The following PRSS35 variants were observed in gnomAD, a reference collection of about 807,000 sequenced individuals.
The protein encoded by PRSS35 is inactive serine protease 35.
A neutral mutation model predicts 8.1 loss-of-function variants in PRSS35; 7 were observed. The observed-to-expected ratio is 0.86, with a 90% CI of 0.49 to 1.62. The LOEUF (loss-of-function observed/expected upper bound fraction) is 1.62, where lower values mean the gene tolerates loss of function less well. Ranked by LOEUF, PRSS35 falls within the 40% of genes most tolerant of loss-of-function variation. PRSS35 has a pLI of 0.00. For missense variants in PRSS35, 566 were observed against 518.0 expected, an observed-to-expected ratio of 1.09 and a Z score of -0.90; for synonymous variants, 199 against 188.7, an observed-to-expected ratio of 1.05 and a Z score of -0.45.
intron 1 of PRSS35, among the ~76,000 whole-genome samples, chr6:83,516,984 A>C (rs1771735226): frequency 6.6e-6 from 1 of 152,236 alleles, no homozygotes; most frequent in African/African-American, 2.4e-5. Flanking sequence ...GATATTTGGC[A>C]TACCACAATG....
At position 83,516,357 on chromosome 6, in the gene PRSS35, G is replaced by A. The variant is rs574746180; in HGVS notation, c.-21+3663G>A. On this transcript the variant is annotated intron_variant, in intron 1 of 1. Coordinates refer to ENST00000369700, the MANE Select transcript of PRSS35 (RefSeq NM_153362.3). ...TGGGAGGCCGAGATGGGCGGATCAC[G>A]AGGTCAGGAGATCGAGACCATCCTG... Among the ~76,000 whole-genome samples, 11 of 151,642 alleles carry A rather than the reference G, an allele frequency of 7.3e-5. No individual in the cohort carries two copies. In the South Asian group the frequency reaches 1.9e-3, roughly 26 times the overall value.
intron 1 of PRSS35, among the ~76,000 whole-genome samples, chr6:83,512,954 A>AG (rs1432694260): frequency 6.6e-6 from 1 of 152,192 alleles, no homozygotes. Flanking sequence ...GCAGTACCAG[A>AG]GGGGACCCTC....
At chr6:83,522,041 C>T (rs1476399027) in intron 1 of PRSS35, among the ~76,000 whole-genome samples, 1 of 152,110 alleles carries the variant, frequency 6.6e-6, no homozygotes, top group East Asian at 1.9e-4. Flanking sequence ...GTGCACACAT[C>T]CTGTGGGTGT....
At chr6:83,520,307 T>A (rs906253443) in intron 1 of PRSS35, among the ~76,000 whole-genome samples, 1 of 152,182 alleles carries the variant, frequency 6.6e-6, no homozygotes, top group African/African-American at 2.4e-5. Flanking sequence ...CTGTAGTGGT[T>A]CTTAACCTTT....
At chr6:83,518,642 G>A (rs1269624007) in intron 1 of PRSS35, among the ~76,000 whole-genome samples, 1 of 152,154 alleles carries the variant, frequency 6.6e-6, no homozygotes, top group Non-Finnish European at 1.5e-5. Context: ...GAGTGAGTTG[G>A]AAACTATCTT....
At chr6:83,518,514 A>G (rs555088154) in intron 1 of PRSS35, among the ~76,000 whole-genome samples, 7 of 152,326 alleles carry the variant, frequency 4.6e-5, no homozygotes, top group South Asian at 4.1e-4. Context: ...TGAGAAAAAT[A>G]TATTACAGAG....
At chr6:83,519,553 C>G (rs907876356) in intron 1 of PRSS35, among the ~76,000 whole-genome samples, 4 of 152,176 alleles carry the variant, frequency 2.6e-5, no homozygotes, top group Non-Finnish European at 5.9e-5. Flanking sequence ...CTCCACTGAA[C>G]AAACTGTGGA....
In PRSS35 at chr6:83,524,209, T is replaced by C; in HGVS notation, c.768T>C (p.Asn256=). 6.2e-7 allele frequency: 1 copy of C among 1,614,074 alleles called. No individual in the cohort carries two copies. The highest frequency in any genetic ancestry group is 1.1e-5 in the South Asian group (1 of 91,058). Residue 256 remains asparagine (N), a synonymous_variant, in exon 2 of 2, where the codon AAT becomes AAC. Transcript: ENST00000369700. ...CCTTTCAGTGGACCCGGGTCAAGAA[T>C]ACCCACATTCCGAAGGGCTGGGCAC... is the stretch of plus-strand genomic sequence containing the variant. ...RPSFQWTRVK[N]THIPKGWARG... is the part of the protein sequence containing the mutation.
chr6:83,516,558 TGA>T (rs1358986706), intron 1 of PRSS35, among the ~76,000 whole-genome samples: 2 of 134,112 alleles, frequency 1.5e-5, no homozygotes, highest in Non-Finnish European at 3.1e-5. Context: ...CCTGGGCGAC[TGA>T]GAGAGACTGC....
At chr6:83,522,836 A>T (rs559988728) in intron 1 of PRSS35, among the ~76,000 whole-genome samples, 1 of 151,976 alleles carries the variant, frequency 6.6e-6, no homozygotes, top group South Asian at 2.1e-4. Context: ...GCTTTAAAAC[A>T]TTATCCAAGA....
chr6:83,515,497 T>TTTTGTTTG (rs58739802), intron 1 of PRSS35, among the ~76,000 whole-genome samples: 33 of 151,312 alleles, frequency 2.2e-4, no homozygotes, highest in African/African-American at 7.5e-4. Flanking sequence ...TTTCTACTGT[T>TTTTGTTTG]TTTGTTTGTT....
In PRSS35 at chr6:83,523,716, C is replaced by T. The variant is rs1583460394; in HGVS notation, c.275C>T (p.Thr92Ile). ...TATGAGACTGTCTTTGAGAATGGCA[C>T]CCGAACCTTAACCAGGGTGAAAGTT... is the stretch of plus-strand genomic sequence containing the variant. ...LSYETVFENG[T>I]RTLTRVKVQD... The change falls in exon 2 of 2, where the codon ACC becomes ATC. Residue 92 changes from threonine to isoleucine, a missense_variant. Transcript: ENST00000369700. The T allele has an allele frequency of 6.2e-7, 1 of 1,614,192 alleles. No homozygotes were observed. Among genetic ancestry groups the T allele is most frequent in the Non-Finnish European group, 8.5e-7 (1 of 1,180,050 alleles).
chr6:83,512,776 T>G (rs1771643282), intron 1 of PRSS35, 82 bp downstream of exon 1: 1 of 152,240 alleles, frequency 6.6e-6, no homozygotes, highest in Non-Finnish European at 1.5e-5. Context: ...CGAGGAGAGC[T>G]TCTTTGAAGG....
At position 83,512,600 on chromosome 6, in the gene PRSS35, G is replaced by A. The variant is rs1306656102; in HGVS notation, c.-115G>A. 3 of 152,318 alleles carry A rather than the reference G, an allele frequency of 2.0e-5. No individual in the cohort carries two copies. The highest frequency in any genetic ancestry group is 7.2e-5 in the African/African-American group (3 of 41,418). 9.4% of individuals were successfully genotyped at this position (152,318 alleles called of 1,614,324 possible). A position where few individuals can be genotyped will look rare whatever the true frequency, so the allele number is the denominator to read the frequency against. The stretch of plus-strand genomic sequence containing the variant: ...GGCGGGGCGGCCTCCGGCTCAGGCT[G>A]GCTGAGAGGCTCCCAGCTGCAGCGT... On this transcript the variant is annotated 5_prime_UTR_variant, in exon 1 of 2. Transcript: ENST00000369700.
At position 83,523,494 on chromosome 6, in the gene PRSS35, T is replaced by C. The variant is rs1481534780; in HGVS notation, c.53T>C (p.Ile18Thr). The C allele has an allele frequency of 3.7e-6, 6 of 1,614,156 alleles. No individual in the cohort carries two copies. The highest frequency in any genetic ancestry group is 1.6e-4 in the Middle Eastern group (1 of 6,062). Reference protein sequence around the residue: ...LIFFTPGWTLIDGSEMEWDFM... With the variant: ...LIFFTPGWTLTDGSEMEWDFM... ...TTTTTCACCCCTGGGTGGACCCTCA[T>C]TGATGGATCTGAAATGGAATGGGAT... Residue 18 changes from isoleucine to threonine, a missense_variant, in exon 2 of 2, where the codon ATT becomes ACT. By Grantham distance (89) the Ile-to-Thr change is moderately conservative. Coordinates refer to ENST00000369700, the MANE Select transcript of PRSS35 (RefSeq NM_153362.3).
chr6:83,523,101 A>T (rs143473235), intron 1 of PRSS35, among the ~76,000 whole-genome samples: 118 of 152,304 alleles, frequency 7.7e-4, no homozygotes, highest in African/African-American at 2.8e-3. Context: ...CCGACAGAGG[A>T]TTCCAACCTA....
chr6:83,512,853 A>C (rs112550597), intron 1 of PRSS35, among the ~76,000 whole-genome samples, 159 bp downstream of exon 1: 2,796 of 152,296 alleles, frequency 0.018, 73 homozygotes, highest in African/African-American at 0.059. Flanking sequence ...CACCCTTCCC[A>C]TAGGCAATTC....
rs1199797456 is a variant in PRSS35 at position 83,512,618 on chromosome 6, T to G, written c.-97T>G. The G allele has an allele frequency of 6.6e-6, 1 of 152,276 alleles. No homozygotes were observed. Among genetic ancestry groups the G allele is most frequent in the Non-Finnish European group, 1.5e-5 (1 of 68,142 alleles). The allele number at this position is 152,276 out of a possible 1,614,324, so 9.4% of individuals were successfully genotyped here. ...TCAGGCTGGCTGAGAGGCTCCCAGC[T>G]GCAGCGTCCCCGCCCGCCTCCTCGG... On this transcript the variant is annotated 5_prime_UTR_variant, in exon 1 of 2. Transcript: ENST00000369700.
intron 1 of PRSS35, among the ~76,000 whole-genome samples, chr6:83,520,164 G>A (rs1278771642): frequency 6.6e-6 from 1 of 152,132 alleles, no homozygotes; most frequent in Non-Finnish European, 1.5e-5. Context: ...CATAGTAAAA[G>A]CATAAAGTCA....
Sources: allele counts gnomAD v4.1 joint callset (sites outside exome capture counted in the v4.1 genomes callset), GRCh38; gene constraint gnomAD v4.1.1; transcripts MANE v1.5; gene names NCBI Gene and HGNC (gene_info 2026-07-23, HGNC 2026-07-21).